Variants in ERC2 observed in about 807,000 individuals in gnomAD.
ERC2 encodes ERC protein 2.
In ERC2, 42 loss-of-function variants were observed where a neutral mutation model predicts 114.8. That is an observed-to-expected ratio of 0.37 (90% CI 0.29 to 0.47). ERC2 has a LOEUF of 0.47. Among genes scored for constraint, ERC2 ranks in the 20% least tolerant of loss-of-function variants. The probability of loss-of-function intolerance (pLI) is 0.99; values close to 1 mark genes in which losing one functional copy is unlikely to be tolerated. For missense variants in ERC2, 939 were observed against 1,150.7 expected, an observed-to-expected ratio of 0.82 and a Z score of 2.66; for synonymous variants, 454 against 425.5, an observed-to-expected ratio of 1.07 and a Z score of -0.82.
chr3:55,805,877 C>T (rs539426181), intron 14 of ERC2, among the ~76,000 whole-genome samples: 41 of 152,260 alleles, frequency 2.7e-4, no homozygotes, highest in African/African-American at 9.1e-4. Context: ...GGCCTACTCA[C>T]GGCCACTTTT....
chr3:55,537,601 T>C (rs2107316484), intron 17 of ERC2, among the ~76,000 whole-genome samples: 1 of 152,334 alleles, frequency 6.6e-6, no homozygotes, highest in African/African-American at 2.4e-5. Context: ...TCTCCCCGCT[T>C]ACAAAGGCTG....
chr3:55,635,070 G>T (rs991038287), intron 17 of ERC2, among the ~76,000 whole-genome samples: 1 of 151,946 alleles, frequency 6.6e-6, no homozygotes, highest in Admixed American at 6.6e-5. Flanking sequence ...TAGTAGAGAC[G>T]GGGTTTCACC....
rs143297860 is a variant in ERC2 at position 55,859,599 on chromosome 3, T to C, written c.2564+28790A>G. ...ACCATTTTGTTTTTTTAGCATGTGG[T>C]AATGTATCATCTTGCTTGGCTGGAT... On this transcript the variant is annotated intron_variant, in intron 14 of 17. Coordinates refer to ENST00000288221, the MANE Select transcript of ERC2 (RefSeq NM_015576.3). Among the ~76,000 whole-genome samples the C allele has an allele frequency of 2.6e-5, 4 of 152,162 alleles. No homozygotes were observed. The East Asian group carries it at 5.8e-4, about 22-fold the overall frequency.
At chr3:55,737,110 C>G (rs1375255731) in intron 14 of ERC2, among the ~76,000 whole-genome samples, 1 of 152,164 alleles carries the variant, frequency 6.6e-6, no homozygotes, top group South Asian at 2.1e-4. Context: ...CATCACCAGA[C>G]CAGGCCCTCT....
At chr3:55,932,823 G>T (rs750775170) in intron 13 of ERC2, among the ~76,000 whole-genome samples, 5 of 152,054 alleles carry the variant, frequency 3.3e-5, no homozygotes, top group Admixed American at 6.6e-5. Context: ...ACTATCTTGA[G>T]ATACTTACCT....
At chr3:55,642,359 G>A (rs1430407207) in intron 17 of ERC2, among the ~76,000 whole-genome samples, 1 of 131,140 alleles carries the variant, frequency 7.6e-6, no homozygotes, top group Admixed American at 9.0e-5. Context: ...TTTTTTGACA[G>A]AGTCTTGCTC....
chr3:55,694,680 C>T (rs1483680318), intron 16 of ERC2, among the ~76,000 whole-genome samples: 5 of 152,200 alleles, frequency 3.3e-5, no homozygotes, highest in Admixed American at 3.3e-4. Flanking sequence ...TCTGAGGTTT[C>T]CAGCCCCAAA....
In ERC2 at chr3:55,969,654, G is replaced by A. The variant is rs182562174; in HGVS notation, c.2267+16323C>T. On this transcript the variant is annotated intron_variant, in intron 12 of 17. Coordinates refer to ENST00000288221, the MANE Select transcript of ERC2 (RefSeq NM_015576.3). Reference sequence around the variant, plus strand: ...GGGTTGAGTGTTAAGTCCTGCTTCCGAAAACCCAAGGGTCTAATGATCAGG... The same window carrying A: ...GGGTTGAGTGTTAAGTCCTGCTTCCAAAAACCCAAGGGTCTAATGATCAGG... Among the ~76,000 whole-genome samples the A allele has an allele frequency of 5.0e-3, 764 of 152,294 alleles. 5 individuals are homozygous for A. The highest frequency in any genetic ancestry group is 0.017 in the African/African-American group (726 of 41,548).
At chr3:56,285,271 C>T (rs775548538) in intron 3 of ERC2, among the ~76,000 whole-genome samples, 47 of 151,812 alleles carry the variant, frequency 3.1e-4, no homozygotes, top group African/African-American at 7.3e-4. Context: ...GCCAGCAGAA[C>T]GGATGGGTCA....
intron 14 of ERC2, among the ~76,000 whole-genome samples, chr3:55,818,994 G>A (rs1400795445): frequency 1.3e-5 from 2 of 152,190 alleles, no homozygotes; most frequent in African/African-American, 4.8e-5. Context: ...AGATTGGCTG[G>A]CACTGGTGCA....
In ERC2 at chr3:55,577,794, C is replaced by T. The variant is rs2057060330; in HGVS notation, c.*40-66518G>A. The stretch of plus-strand genomic sequence containing the variant: ...GTCCTAGAGGGCTTCATGTAACCTC[C>T]ATGTTCCTGCGAAAGAAGAAGGGCA... On this transcript the variant is annotated intron_variant, in intron 17 of 17. Transcript: ENST00000288221. Among the ~76,000 whole-genome samples, 3 of 152,126 alleles carry T rather than the reference C, an allele frequency of 2.0e-5. No individual in the cohort carries two copies. In the South Asian group the frequency reaches 6.2e-4, roughly 32 times the overall value.
chr3:55,759,429 C>A (rs540293884), intron 14 of ERC2, among the ~76,000 whole-genome samples: 28 of 129,962 alleles, frequency 2.2e-4, no homozygotes, highest in African/African-American at 8.2e-4. Context: ...CTCTGGGAGT[C>A]AGACCAGCTG....
At chr3:55,902,334 C>T (rs374506196) in intron 13 of ERC2, among the ~76,000 whole-genome samples, 18 of 152,208 alleles carry the variant, frequency 1.2e-4, no homozygotes, top group African/African-American at 3.6e-4. Flanking sequence ...CTCCCAAATG[C>T]GTCCCTAGGG....
intron 6 of ERC2, among the ~76,000 whole-genome samples, chr3:56,135,606 T>C (rs967168920): frequency 1.3e-5 from 2 of 152,232 alleles, no homozygotes; most frequent in African/African-American, 4.8e-5. Context: ...GCTGATACAA[T>C]GACTGCCATT....
At chr3:56,434,272 G>T in intron 2 of ERC2, 79 bp downstream of exon 2, 1 of 1,369,296 alleles carries the variant, frequency 7.3e-7, no homozygotes, top group Non-Finnish European at 1.0e-6. Context: ...TTCTGCACAG[G>T]TCGTGGTACC....
intron 14 of ERC2, among the ~76,000 whole-genome samples, chr3:55,836,248 A>C (rs546513360): frequency 2.6e-5 from 4 of 152,312 alleles, no homozygotes; most frequent in Admixed American, 2.6e-4. Context: ...AATTGGAAAA[A>C]ACTACTTTAA....
At chr3:55,538,557 G>A (rs1041495600) in intron 17 of ERC2, among the ~76,000 whole-genome samples, 2 of 152,196 alleles carry the variant, frequency 1.3e-5, no homozygotes, top group Non-Finnish European at 2.9e-5. Context: ...TTAATTTTTA[G>A]TCTTTGTTGA....
Position 56,040,649 on chromosome 3 carries a change from T to C in ERC2, c.1642-21618A>G, listed in dbSNP as rs546001402. 9.8e-5 allele frequency among the ~76,000 whole-genome samples: 14 copies of C among 142,620 alleles called. No homozygotes were observed. The South Asian group carries it at 3.0e-3, about 31-fold the overall frequency. The allele number at this position is 142,620 out of a possible 152,430, so 93.6% of individuals were successfully genotyped here. ...ATATGTATATATACATATATAGATG[T>C]ATATGTATATATACATATATAGATA... On this transcript the variant is annotated intron_variant, in intron 7 of 17. Coordinates refer to ENST00000288221, the MANE Select transcript of ERC2 (RefSeq NM_015576.3).
chr3:56,089,559 AT>A (rs1429110671), intron 6 of ERC2, among the ~76,000 whole-genome samples: 1 of 151,780 alleles, frequency 6.6e-6, no homozygotes, highest in South Asian at 2.1e-4. Context: ...GATACTCTAC[AT>A]TTTTTGTATT....
Sources: gnomAD v4.1 joint callset for allele counts (sites outside exome capture counted in the v4.1 genomes callset) on GRCh38, gnomAD v4.1.1 for gene constraint, MANE v1.5 for transcripts, NCBI Gene and HGNC (gene_info 2026-07-23, HGNC 2026-07-21) for gene names.